Variants in PCDHGA3 observed in about 807,000 individuals in gnomAD.
PCDHGA3 encodes the protein protocadherin gamma subfamily A, 3, also known as protocadherin gamma-A3.
PCDHGA3 carries 40 observed loss-of-function variants against 58.5 expected under a neutral mutation model. The ratio of observed to expected loss-of-function variants is 0.68; its 90% CI spans 0.53 to 0.89. The LOEUF (loss-of-function observed/expected upper bound fraction) is 0.89. PCDHGA3 is among the 40% of genes least tolerant of loss of function. The probability of loss-of-function intolerance (pLI) is 0.00; values close to 1 mark genes in which losing one functional copy is unlikely to be tolerated. For missense variants in PCDHGA3, 1,223 were observed against 1,195.9 expected (o/e 1.02, Z -0.33); for synonymous variants, 530 against 525.7 (o/e 1.01, Z -0.11).
At chr5:141,417,384 GAAGA>G (rs2096114648) in intron 1 of PCDHGA3, 1 of 154,070 alleles carries the variant, frequency 6.5e-6, no homozygotes, top group African/African-American at 2.4e-5. Context: ...TTTAAATTTT[GAAGA>G]AAAAATATTC....
At chr5:141,391,471 C>G (rs2092375745) in intron 1 of PCDHGA3, 1 of 152,152 alleles carries the variant, frequency 6.6e-6, no homozygotes, top group Non-Finnish European at 1.5e-5. Flanking sequence ...GCCACCAGAC[C>G]TGGCTAATTT....
intron 1 of PCDHGA3, among the ~76,000 whole-genome samples, chr5:141,382,132 C>T (rs893026262): frequency 6.6e-6 from 1 of 152,070 alleles, no homozygotes; most frequent in Non-Finnish European, 1.5e-5. Flanking sequence ...CTGGCCCCCC[C>T]TCTCATTTTT....
At chr5:141,418,669 C>T (rs2096278985) in intron 1 of PCDHGA3, 1 of 1,614,018 alleles carries the variant, frequency 6.2e-7, no homozygotes, top group Non-Finnish European at 8.5e-7. Flanking sequence ...CTGACCAGGA[C>T]GAGGGCATCA....
chr5:141,465,490 G>A (rs917234604), intron 1 of PCDHGA3, among the ~76,000 whole-genome samples: 9 of 152,170 alleles, frequency 5.9e-5, no homozygotes, highest in East Asian at 1.9e-4. Flanking sequence ...AGGAATGAGC[G>A]GGAGCATTGT....
chr5:141,351,693 G>A, intron 1 of PCDHGA3: 1 of 1,613,954 alleles, frequency 6.2e-7, no homozygotes, highest in Middle Eastern at 1.6e-4. Flanking sequence ...CCGGATTTGG[G>A]ACCCAACGGC....
At chr5:141,419,552 C>T in intron 1 of PCDHGA3, 1 of 1,612,014 alleles carries the variant, frequency 6.2e-7, no homozygotes, top group Non-Finnish European at 8.5e-7. Flanking sequence ...GGTGCTGTAC[C>T]CTGCGCTGGG....
chr5:141,421,380 G>A, intron 1 of PCDHGA3: 1 of 1,614,064 alleles, frequency 6.2e-7, no homozygotes, highest in Non-Finnish European at 8.5e-7. Context: ...ATATCTCCAA[G>A]GACCTGGGGC....
intron 1 of PCDHGA3, chr5:141,383,307 A>G (rs1207101754): frequency 3.1e-6 from 5 of 1,613,874 alleles, no homozygotes; most frequent in Non-Finnish European, 4.2e-6. Flanking sequence ...TCTTGACGGA[A>G]GAAATAAATG....
chr5:141,454,407 T>TTTTA (rs1029547484), intron 1 of PCDHGA3, among the ~76,000 whole-genome samples: 21 of 152,236 alleles, frequency 1.4e-4, no homozygotes, highest in Admixed American at 1.2e-3. Flanking sequence ...GCTTATTCCT[T>TTTTA]TTTATTTATT....
Position 141,438,011 on chromosome 5 carries a change from G to T in PCDHGA3, c.2425-56796G>T, listed in dbSNP as rs189978786. On this transcript the variant is annotated intron_variant, in intron 1 of 3. Coordinates refer to ENST00000253812, the MANE Select transcript of PCDHGA3 (RefSeq NM_018916.4). ...CCACCTCAGCCTCCCAAATAGCTGAGATTACAGGTGTGAGCCACCATGCCC... is the reference window on the plus strand; with the variant it reads ...CCACCTCAGCCTCCCAAATAGCTGATATTACAGGTGTGAGCCACCATGCCC... 2.8e-3 allele frequency among the ~76,000 whole-genome samples: 432 copies of T among 152,220 alleles called. 1 individual carries two copies. The highest frequency in any genetic ancestry group is 0.021 in the Admixed American group (318 of 15,288).
At chr5:141,429,468 A>G (rs2097217267) in intron 1 of PCDHGA3, among the ~76,000 whole-genome samples, 1 of 152,048 alleles carries the variant, frequency 6.6e-6, no homozygotes, top group Admixed American at 6.6e-5. Flanking sequence ...TCCCACCTCA[A>G]TCTCCAGAGT....
chr5:141,372,354 C>T lies in PCDHGA3; in HGVS notation c.2424+25897C>T. The T allele has an allele frequency of 1.2e-6, 2 of 1,613,946 alleles. No individual in the cohort carries two copies. Among genetic ancestry groups the T allele is most frequent in the Non-Finnish European group, 8.5e-7 (1 of 1,179,902 alleles). On this transcript the variant is annotated intron_variant, in intron 1 of 3. Coordinates refer to ENST00000253812, the MANE Select transcript of PCDHGA3 (RefSeq NM_018916.4). ...TGTGCGTGATGGAGGACAGCAGCCT[C>T]TTTCAGCCACCGTCATGCTGCACCT...
chr5:141,421,118 T>C (rs572827470), intron 1 of PCDHGA3: 2 of 771,948 alleles, frequency 2.6e-6, no homozygotes, highest in Non-Finnish European at 2.0e-6. Context: ...GTATTTTCCT[T>C]CGCTTTCTGA....
chr5:141,413,962 AC>A, intron 1 of PCDHGA3: 1 of 1,613,404 alleles, frequency 6.2e-7, no homozygotes, highest in Non-Finnish European at 8.5e-7. Context: ...GCCTGTGGGC[AC>A]TCAGCTGCTG....
intron 1 of PCDHGA3, chr5:141,372,532 T>A: frequency 6.2e-7 from 1 of 1,614,022 alleles, no homozygotes; most frequent in East Asian, 2.2e-5. Context: ...GCAATCTCCC[T>A]GCGCCTGCGA....
At chr5:141,379,424 G>T (rs1775590923) in intron 1 of PCDHGA3, 1 of 152,218 alleles carries the variant, frequency 6.6e-6, no homozygotes, top group East Asian at 1.9e-4. Flanking sequence ...TCATGAGTTA[G>T]ATGGGCTGTT....
chr5:141,368,426 C>T (rs998020099), intron 1 of PCDHGA3, among the ~76,000 whole-genome samples: 8 of 151,928 alleles, frequency 5.3e-5, no homozygotes, highest in African/African-American at 1.9e-4. Context: ...GACATTCTGA[C>T]CAAAATGTAA....
At chr5:141,383,583 C>A (rs1282205134) in intron 1 of PCDHGA3, 11 of 1,613,640 alleles carry the variant, frequency 6.8e-6, no homozygotes, top group Non-Finnish European at 9.3e-6. Context: ...CCGCCCACAT[C>A]CAGGTGACAG....
rs749528675 is a variant in PCDHGA3, at chr5:141,490,604, A to G, written c.2425-4203A>G. On this transcript the variant is annotated intron_variant, in intron 1 of 3. Coordinates refer to ENST00000253812, the MANE Select transcript of PCDHGA3 (RefSeq NM_018916.4). This position sits in a 1 kb window ranked among gnomAD's most constrained non-coding sequence, Gnocchi z 5.4. ...GTCAATGACAATGCACCCCGCTTCA[A>G]CCAGCAGCTTTACACTGCTTACATC... is the stretch of plus-strand genomic sequence containing the variant. 13 of 1,614,192 alleles carry G rather than the reference A, an allele frequency of 8.1e-6. No homozygotes were observed. Among genetic ancestry groups the G allele is most frequent in the Non-Finnish European group, 1.1e-5 (13 of 1,180,022 alleles).
Sources: gnomAD v4.1 joint callset for allele counts (sites outside exome capture counted in the v4.1 genomes callset) on GRCh38, gnomAD v4.1.1 for gene constraint, Gnocchi (gnomAD v3.1) non-coding constraint, MANE v1.5 for transcripts, NCBI Gene and HGNC (gene_info 2026-07-23, HGNC 2026-07-21) for gene names.